WAPL: variants seen among roughly 807,000 people sequenced by gnomAD.
WAPL encodes WAPL cohesin release factor.
Under a neutral mutation model 121.0 loss-of-function variants are expected in WAPL, and 5 were observed. The ratio of observed to expected loss-of-function variants is 0.04; its 90% CI spans 0.02 to 0.09. WAPL has a LOEUF of 0.09. Among genes scored for constraint, WAPL ranks in the 10% least tolerant of loss-of-function variants. WAPL has a pLI of 1.00. For synonymous variants in WAPL, 480 were observed against 481.5 expected (o/e 1.00, Z 0.04); for missense variants, 999 against 1,410.8 (o/e 0.71, Z 4.68).
chr10:86,440,882 G>GGAA lies in WAPL; in HGVS notation c.3411+2392_3411+2393insTTC, dbSNP rs1554825372. 3.1e-4 allele frequency among the ~76,000 whole-genome samples: 40 copies of GGAA among 130,518 alleles called. 1 individual carries two copies. The highest frequency in any genetic ancestry group is 9.9e-4 in the East Asian group (4 of 4,058). The allele number at this position is 130,518 out of a possible 152,430, so 85.6% of individuals were successfully genotyped here. On this transcript the variant is annotated intron_variant, in intron 17 of 18. Transcript: ENST00000298767. ...CACACAGGACTTAGATACACAAAGT[G>GGAA]AAAAAAAAAAAAAAAGGCAATACAA...
intron 4 of WAPL, among the ~76,000 whole-genome samples, chr10:86,496,974 T>C (rs1785549086): frequency 6.6e-6 from 1 of 152,166 alleles, no homozygotes; most frequent in African/African-American, 2.4e-5. Context: ...GATGGTTACA[T>C]AACACCGTGA....
At chr10:86,498,067 T>C (rs1432154867) in intron 3 of WAPL, among the ~76,000 whole-genome samples, 2 of 152,218 alleles carry the variant, frequency 1.3e-5, no homozygotes, top group Non-Finnish European at 2.9e-5. Context: ...CCTCTAATTT[T>C]CAAATGTTAT....
chr10:86,453,039 A>G (rs1335417842), intron 14 of WAPL, among the ~76,000 whole-genome samples, 181 bp downstream of exon 14: 1 of 4,878 alleles, frequency 2.1e-4, no homozygotes, highest in Non-Finnish European at 4.3e-4. Flanking sequence ...AAAAAAAAAA[A>G]AAAAAAAAAA....
chr10:86,474,851 T>A lies in WAPL; in HGVS notation c.1645-878A>T, dbSNP rs115576224. Among the ~76,000 whole-genome samples the A allele has an allele frequency of 9.4e-3, 1,426 of 152,340 alleles. 20 individuals carry two copies. Among genetic ancestry groups the A allele is most frequent in the African/African-American group, 0.033 (1,373 of 41,584 alleles). On this transcript the variant is annotated intron_variant, in intron 4 of 18. Transcript: ENST00000298767. Reference sequence around the variant, plus strand: ...TTCCAACAATGGGAATCCAGCAGTTTATGACAGACAATGCGCTCATTTAAA... The same window carrying A: ...TTCCAACAATGGGAATCCAGCAGTTAATGACAGACAATGCGCTCATTTAAA...
At chr10:86,461,498 C>T (rs1289448330) in intron 9 of WAPL, among the ~76,000 whole-genome samples, 1 of 149,652 alleles carries the variant, frequency 6.7e-6, no homozygotes, top group Admixed American at 6.7e-5. Flanking sequence ...ATTAGTCTAT[C>T]ATTTGTCAGT....
At chr10:86,471,906 A>AAT (rs1456200666) in intron 7 of WAPL, among the ~76,000 whole-genome samples, 1 of 151,984 alleles carries the variant, frequency 6.6e-6, no homozygotes, top group Non-Finnish European at 1.5e-5. Flanking sequence ...AAATGCTGGG[A>AAT]TTATAGGTAT....
In WAPL at chr10:86,437,950, G is replaced by T. The variant is rs1311973988; in HGVS notation, c.3477C>A (p.Leu1159=). The T allele has an allele frequency of 3.7e-6, 6 of 1,613,444 alleles. No homozygotes were observed. In the African/African-American group the frequency reaches 5.3e-5, roughly 14 times the overall value. Residue 1159 remains leucine, a synonymous_variant, in exon 18 of 19, where the codon CTC becomes CTA. Transcript: ENST00000298767. ...EGDFSIMTEM[L]KKFLSFMNLT... ...GATTCATAAAACTCAAAAATTTTTT[G>T]AGCATCTCTGTCATTATTGAAAAGT...
intron 9 of WAPL, among the ~76,000 whole-genome samples, chr10:86,464,191 A>C (rs1184127982): frequency 2.0e-5 from 3 of 152,232 alleles, no homozygotes; most frequent in African/African-American, 7.2e-5. Flanking sequence ...GTACAATTTA[A>C]AACAAAAATA....
At chr10:86,458,687 C>T (rs1841205380) in intron 12 of WAPL, among the ~76,000 whole-genome samples, 1 of 151,464 alleles carries the variant, frequency 6.6e-6, no homozygotes, top group African/African-American at 2.4e-5. Flanking sequence ...TACAAATTAA[C>T]TCATTTTACT....
At chr10:86,521,198 G>C (rs1232565161) in intron 1 of WAPL, among the ~76,000 whole-genome samples, 167 bp downstream of exon 1, 8 of 152,200 alleles carry the variant, frequency 5.3e-5, no homozygotes, top group Admixed American at 5.2e-4. Context: ...TCCGAAAAAG[G>C]AAAATAAAAG....
chr10:86,466,798 G>C (rs1425020415), intron 9 of WAPL, among the ~76,000 whole-genome samples: 1 of 152,060 alleles, frequency 6.6e-6, no homozygotes, highest in Non-Finnish European at 1.5e-5. Flanking sequence ...CCCGGGCTCA[G>C]GATATTTCTC....
In WAPL at chr10:86,467,487, G is replaced by C; in HGVS notation, c.2162C>G (p.Ala721Gly). The C allele has an allele frequency of 6.2e-7, 1 of 1,613,654 alleles. No individual in the cohort carries two copies. The highest frequency in any genetic ancestry group is 8.5e-7 in the Non-Finnish European group (1 of 1,179,900). The change falls in exon 9 of 19, where the codon GCT becomes GGT. Residue 721 changes from alanine (A) to glycine (G), a missense_variant. This residue lies in a region of WAPL where 118 missense variants were observed against 318.3 expected (regional missense o/e 0.37). Coordinates refer to ENST00000298767, the MANE Select transcript of WAPL (RefSeq NM_015045.5). ...QHHQNLSLCT[A>G]ALMYILSRDR... is the part of the protein sequence containing the mutation. ...TCTACTCAGTATATACATGAGGGCAGCTGTACAGAGGGACAGATTCTTCAA... is the reference window on the plus strand; with the variant it reads ...TCTACTCAGTATATACATGAGGGCACCTGTACAGAGGGACAGATTCTTCAA...
intron 18 of WAPL, 47 bp downstream of exon 18, chr10:86,437,873 T>C: frequency 7.2e-7 from 1 of 1,396,304 alleles, no homozygotes; most frequent in Non-Finnish European, 1.0e-6. Flanking sequence ...CTACTGTCAA[T>C]GTATTATAAA....
At chr10:86,450,838 T>G (rs1303723054) in intron 15 of WAPL, among the ~76,000 whole-genome samples, 1 of 152,248 alleles carries the variant, frequency 6.6e-6, no homozygotes, top group Non-Finnish European at 1.5e-5. Context: ...AGGGATTAAC[T>G]ACCTCTTATC....
At chr10:86,440,594 C>T (rs534693944) in intron 17 of WAPL, among the ~76,000 whole-genome samples, 37 of 152,236 alleles carry the variant, frequency 2.4e-4, no homozygotes, top group Admixed American at 4.6e-4. Flanking sequence ...CCACTGCGCC[C>T]GGCCTTTTTT....
At chr10:86,452,766 G>C (rs1016940592) in intron 14 of WAPL, among the ~76,000 whole-genome samples, 1 of 151,416 alleles carries the variant, frequency 6.6e-6, no homozygotes, top group Non-Finnish European at 1.5e-5. Flanking sequence ...TCAGCCAGAC[G>C]CAATAGCTCA....
At chr10:86,505,906 A>C (rs1842340856) in intron 2 of WAPL, among the ~76,000 whole-genome samples, 1 of 152,302 alleles carries the variant, frequency 6.6e-6, no homozygotes, top group African/African-American at 2.4e-5. Flanking sequence ...AAAATTATTA[A>C]AGAAAAAATT....
At chr10:86,508,758 C>CTTTTTT (rs34530024) in intron 2 of WAPL, among the ~76,000 whole-genome samples, 2 of 116,784 alleles carry the variant, frequency 1.7e-5, no homozygotes, top group African/African-American at 3.4e-5. Flanking sequence ...ATTGAAAGTT[C>CTTTTTT]TTTTTTTTTT....
chr10:86,454,781 A>G (rs1269474858), intron 12 of WAPL, among the ~76,000 whole-genome samples: 1 of 149,988 alleles, frequency 6.7e-6, no homozygotes, highest in East Asian at 2.0e-4. Context: ...CCCGTCTGGG[A>G]AGTGACGAGC....
Sources: allele counts gnomAD v4.1 joint callset (sites outside exome capture counted in the v4.1 genomes callset), GRCh38; gene constraint gnomAD v4.1.1; regional missense constraint gnomAD v4.1.1; transcripts MANE v1.5; gene names NCBI Gene and HGNC (gene_info 2026-07-23, HGNC 2026-07-21).